FNBP1: variants seen among roughly 807,000 people sequenced by gnomAD.
FNBP1 encodes formin binding protein 1, also known as formin-binding protein 1.
In FNBP1, 26 loss-of-function variants were observed where a neutral mutation model predicts 90.6. That is an observed-to-expected ratio of 0.29 (90% CI 0.21 to 0.40). The LOEUF is 0.40. Among genes scored for constraint, FNBP1 ranks in the 10% least tolerant of loss-of-function variants. The pLI, the probability that FNBP1 is intolerant of heterozygous loss-of-function variation, is 1.00. For missense variants in FNBP1, 635 were observed against 768.0 expected (o/e 0.83, Z 2.05); for synonymous variants, 260 against 265.2 (o/e 0.98, Z 0.19).
chr9:129,901,182 A>G (rs2036867815), intron 13 of FNBP1, among the ~76,000 whole-genome samples: 4 of 151,834 alleles, frequency 2.6e-5, no homozygotes, highest in African/African-American at 4.8e-5. Context: ...GAGGTGGGTG[A>G]ATCACTTCAG....
intron 6 of FNBP1, among the ~76,000 whole-genome samples, chr9:129,936,984 A>G (rs1044130279): frequency 6.6e-6 from 1 of 152,170 alleles, no homozygotes; most frequent in Non-Finnish European, 1.5e-5. Flanking sequence ...AGCCTGGCCA[A>G]CATGATGAAA....
the FNBP1 span, among the ~76,000 whole-genome samples, chr9:130,048,971 G>C: frequency 6.6e-6 from 1 of 150,474 alleles, no homozygotes; most frequent in African/African-American, 2.4e-5. Context: ...TAGTAGAGAC[G>C]GGGTTTCACC....
In FNBP1 at chr9:129,889,330, GA is replaced by G. The variant is rs375785808; in HGVS notation, c.*1208del. On this transcript the variant is annotated 3_prime_UTR_variant, in exon 17 of 17. Coordinates refer to ENST00000446176, the MANE Select transcript of FNBP1 (RefSeq NM_015033.3). ...CACACCTGTAATCTCAGCACTTTGGGAGGCTGAGGCGGGCGGATCACCTGAG... is the reference window on the plus strand; with the variant it reads ...CACACCTGTAATCTCAGCACTTTGGGGGCTGAGGCGGGCGGATCACCTGAG... The G allele has an allele frequency of 5.5e-6, 1 of 182,086 alleles. No individual in the cohort carries two copies. Among genetic ancestry groups the G allele is most frequent in the African/African-American group, 2.4e-5 (1 of 42,546 alleles). The allele number at this position is 182,086 out of a possible 1,614,324, so 11.3% of individuals were successfully genotyped here.
intron 6 of FNBP1, among the ~76,000 whole-genome samples, chr9:129,945,738 T>C (rs2045165465): frequency 6.6e-6 from 1 of 152,246 alleles, no homozygotes; most frequent in Admixed American, 6.5e-5. Flanking sequence ...AAATTTCGTT[T>C]GTTTTCTTAA....
chr9:129,956,625 C>T (rs1164588089), intron 6 of FNBP1, among the ~76,000 whole-genome samples: 1 of 152,110 alleles, frequency 6.6e-6, no homozygotes, highest in African/African-American at 2.4e-5. Context: ...TGTTATCAAC[C>T]AGGAGGAATC....
At chr9:129,963,634 T>TTA (rs139393699) in intron 4 of FNBP1, among the ~76,000 whole-genome samples, 86,275 of 110,288 alleles carry the variant, frequency 0.78, 34,116 homozygotes, top group East Asian at 0.85. Context: ...TTTTTTTTTT[T>TTA]AAAAAAACAA....
intron 6 of FNBP1, 126 bp from the exon 7 acceptor site, chr9:129,929,821 G>T: frequency 1.2e-6 from 1 of 812,800 alleles, no homozygotes; most frequent in South Asian, 1.8e-5. Flanking sequence ...AATGTATTCC[G>T]CGGGTGCTTT....
chr9:130,041,988 G>A lies in FNBP1; in HGVS notation c.24+964C>T, dbSNP rs1304962585. Among the ~76,000 whole-genome samples the A allele has an allele frequency of 6.6e-6, 1 of 152,118 alleles. No individual in the cohort carries two copies. The highest frequency in any genetic ancestry group is 1.9e-4 in the East Asian group (1 of 5,184). Reference sequence around the variant, plus strand: ...CTCATCTTGAGGGCATTTCAGTGCAGTAACTGAGATTTCGTCTGCTCCTTC... The same window carrying A: ...CTCATCTTGAGGGCATTTCAGTGCAATAACTGAGATTTCGTCTGCTCCTTC... On this transcript the variant is annotated intron_variant, in intron 1 of 16. Coordinates refer to ENST00000446176, the MANE Select transcript of FNBP1 (RefSeq NM_015033.3). This position sits in a 1 kb window ranked among gnomAD's most constrained non-coding sequence, Gnocchi z 4.3.
chr9:129,955,780 A>G (rs1443269876), intron 6 of FNBP1, among the ~76,000 whole-genome samples: 1 of 151,210 alleles, frequency 6.6e-6, no homozygotes, highest in African/African-American at 2.4e-5. Context: ...ATAAAATAAA[A>G]AGAGACCATA....
At chr9:129,952,196 CA>C (rs537255230) in intron 6 of FNBP1, among the ~76,000 whole-genome samples, 1 of 148,500 alleles carries the variant, frequency 6.7e-6, no homozygotes, top group African/African-American at 2.5e-5. Context: ...TATTTCAAAA[CA>C]AAAAAACAAA....
intron 1 of FNBP1, among the ~76,000 whole-genome samples, chr9:130,039,548 C>T (rs888796612): frequency 2.0e-5 from 3 of 151,848 alleles, no homozygotes; most frequent in Admixed American, 6.6e-5. Flanking sequence ...TGATAATGCA[C>T]ACCTGTAGTC....
intron 4 of FNBP1, among the ~76,000 whole-genome samples, chr9:129,961,578 T>G (rs1314277130): frequency 1.3e-5 from 2 of 152,128 alleles, no homozygotes; most frequent in Non-Finnish European, 1.5e-5. Flanking sequence ...TTATATATTT[T>G]ATTTTTTGAG....
At position 130,000,849 on chromosome 9, in the gene FNBP1, T is replaced by C. The variant is rs137930422; in HGVS notation, c.25-5891A>G. Among the ~76,000 whole-genome samples the C allele has an allele frequency of 3.8e-4, 58 of 152,330 alleles. 1 individual carries two copies. The East Asian group carries it at 9.7e-3, about 25-fold the overall frequency. On this transcript the variant is annotated intron_variant, in intron 1 of 16. Coordinates refer to ENST00000446176, the MANE Select transcript of FNBP1 (RefSeq NM_015033.3). ...CGCTCATTCTTTGAAGTAAAAATGGTGTTCATGAAAAAAGCAGCTAGTTCA... is the reference window on the plus strand; with the variant it reads ...CGCTCATTCTTTGAAGTAAAAATGGCGTTCATGAAAAAAGCAGCTAGTTCA...
chr9:129,907,016 G>A lies in FNBP1; in HGVS notation c.1295+1874C>T, dbSNP rs1248769689. ...GATGGTCTCAATCTCCTGACCTCGT[G>A]ATCCGCCCGCCTCCGCCTCCCAAAG... On this transcript the variant is annotated intron_variant, in intron 12 of 16. Transcript: ENST00000446176. Among the ~76,000 whole-genome samples, 4 of 151,954 alleles carry A rather than the reference G, an allele frequency of 2.6e-5. No homozygotes were observed. The East Asian group carries it at 7.7e-4, about 29-fold the overall frequency.
chr9:129,889,762 A>G lies in FNBP1; in HGVS notation c.*777T>C. On this transcript the variant is annotated 3_prime_UTR_variant, in exon 17 of 17. Coordinates refer to ENST00000446176, the MANE Select transcript of FNBP1 (RefSeq NM_015033.3). ...TGGGGAGGACAGGCGTGGGCTCCTC[A>G]TGGCCGGTGGACACAGGCGAGTCAA... 4.3e-6 allele frequency: 1 copy of G among 232,170 alleles called. No homozygotes were observed. The highest frequency in any genetic ancestry group is 8.5e-6 in the Non-Finnish European group (1 of 117,372). 14.4% of individuals were successfully genotyped at this position (232,170 alleles called of 1,614,324 possible). A position where few individuals can be genotyped will look rare whatever the true frequency, so the allele number is the denominator to read the frequency against.
intron 4 of FNBP1, among the ~76,000 whole-genome samples, chr9:129,959,635 T>C (rs2047494794): frequency 6.6e-6 from 1 of 152,098 alleles, no homozygotes. Flanking sequence ...ATATGCCACT[T>C]GGAAAAACGA....
chr9:129,942,158 C>T (rs2044423347), intron 6 of FNBP1, among the ~76,000 whole-genome samples: 1 of 151,700 alleles, frequency 6.6e-6, no homozygotes, highest in Non-Finnish European at 1.5e-5. Context: ...GCTAAACTAT[C>T]ACATTAGAGG....
chr9:130,011,899 A>G (rs1009041863), intron 1 of FNBP1, among the ~76,000 whole-genome samples: 5 of 152,208 alleles, frequency 3.3e-5, no homozygotes, highest in Non-Finnish European at 7.3e-5. Context: ...TTTTCTGGAG[A>G]ACAAAATTCT....
chr9:129,892,479 A>G (rs1275395385), intron 16 of FNBP1, among the ~76,000 whole-genome samples: 1 of 152,032 alleles, frequency 6.6e-6, no homozygotes, highest in African/African-American at 2.4e-5. Context: ...CTAAGAAAAC[A>G]GTGGCTTTGC....
Sources: gnomAD v4.1 joint callset for allele counts (sites outside exome capture counted in the v4.1 genomes callset) on GRCh38, gnomAD v4.1.1 for gene constraint, Gnocchi (gnomAD v3.1) non-coding constraint, MANE v1.5 for transcripts, NCBI Gene and HGNC (gene_info 2026-07-23, HGNC 2026-07-21) for gene names.